Variants in TXNDC16 observed in about 807,000 individuals in gnomAD.
The protein encoded by TXNDC16 is thioredoxin domain containing 16.
A neutral mutation model predicts 85.6 loss-of-function variants in TXNDC16; 74 were observed. The ratio of observed to expected loss-of-function variants is 0.86; its 90% CI spans 0.72 to 1.05. The LOEUF (loss-of-function observed/expected upper bound fraction) is 1.05, where lower values mean the gene tolerates loss of function less well. Among genes scored for constraint, TXNDC16 ranks in the 50% least tolerant of loss-of-function variants. The pLI is 0.00. For synonymous variants in TXNDC16, 335 were observed against 326.5 expected (o/e 1.03, Z -0.28); for missense variants, 959 against 947.0 (o/e 1.01, Z -0.17).
rs2035096947 is a variant in TXNDC16 at position 52,438,896 on chromosome 14, G to A, written c.2194+308C>T. ...TAGATGAAATACTTATGCTTTGGTA[G>A]GCCAAAGCTCCCACTGTAACAACTT... On this transcript the variant is annotated intron_variant, in intron 20 of 20. Transcript: ENST00000281741. Among the ~76,000 whole-genome samples, 3 of 152,120 alleles carry A rather than the reference G, an allele frequency of 2.0e-5. No individual in the cohort carries two copies. The South Asian group carries it at 6.2e-4, about 32-fold the overall frequency.
rs367849873 is a variant in TXNDC16 at position 52,543,570 on chromosome 14, T to C, written c.-13A>G. 2.5e-6 allele frequency: 4 copies of C among 1,612,236 alleles called. No individual in the cohort carries two copies. The highest frequency in any genetic ancestry group is 3.4e-6 in the Non-Finnish European group (4 of 1,179,162). On this transcript the variant is annotated 5_prime_UTR_variant, in exon 3 of 21. Coordinates refer to ENST00000281741, the MANE Select transcript of TXNDC16 (RefSeq NM_020784.3). ...AGCCGGAAAACATTATCAGCTGCAG[T>C]TGTATCTGAGCGGATTTTGTCTGTT...
At chr14:52,520,299 T>G (rs991900610) in intron 6 of TXNDC16, among the ~76,000 whole-genome samples, 12 of 152,198 alleles carry the variant, frequency 7.9e-5, no homozygotes, top group African/African-American at 2.9e-4. Flanking sequence ...CTGATCATAT[T>G]TATTCATCCA....
intron 6 of TXNDC16, among the ~76,000 whole-genome samples, chr14:52,524,475 T>C (rs373609831): frequency 6.6e-6 from 1 of 152,176 alleles, no homozygotes; most frequent in Non-Finnish European, 1.5e-5. Flanking sequence ...ATTTGATGAT[T>C]TTTTTCTTTT....
chr14:52,530,534 TA>T (rs1418911920), intron 6 of TXNDC16, among the ~76,000 whole-genome samples: 1 of 16,296 alleles, frequency 6.1e-5, no homozygotes, highest in Non-Finnish European at 9.7e-5. Context: ...TTATATATAA[TA>T]ATATAATATA....
At chr14:52,485,511 TAC>T (rs1193285704) in intron 12 of TXNDC16, among the ~76,000 whole-genome samples, 1 of 152,200 alleles carries the variant, frequency 6.6e-6, no homozygotes, top group Non-Finnish European at 1.5e-5. Context: ...TCTAGGCCTT[TAC>T]ACTCACTCAC....
At chr14:52,533,499 A>G (rs901282191) in intron 6 of TXNDC16, among the ~76,000 whole-genome samples, 2 of 152,176 alleles carry the variant, frequency 1.3e-5, no homozygotes, top group African/African-American at 4.8e-5. Context: ...GATCTCTCAA[A>G]TACTAATCTG....
In TXNDC16 at chr14:52,530,393, T is replaced by A. The variant is rs1566582417; in HGVS notation, c.392+6326A>T. On this transcript the variant is annotated intron_variant, in intron 6 of 20. Coordinates refer to ENST00000281741, the MANE Select transcript of TXNDC16 (RefSeq NM_020784.3). ...TTATATAATATTATATATAATATTATAATATAATATATAATTATTATATAA... is the reference window on the plus strand; with the variant it reads ...TTATATAATATTATATATAATATTAAAATATAATATATAATTATTATATAA... Among the ~76,000 whole-genome samples the A allele has an allele frequency of 7.5e-4, 16 of 21,452 alleles. 2 individuals carry two copies. The highest frequency in any genetic ancestry group is 4.0e-3 in the African/African-American group (13 of 3,286). The allele number at this position is 21,452 out of a possible 152,430, so 14.1% of individuals were successfully genotyped here.
At chr14:52,495,516 T>A (rs1160935773) in intron 9 of TXNDC16, among the ~76,000 whole-genome samples, 1 of 152,142 alleles carries the variant, frequency 6.6e-6, no homozygotes, top group East Asian at 1.9e-4. Flanking sequence ...GGTAGAGAAG[T>A]CAGACTCCAC....
intron 6 of TXNDC16, among the ~76,000 whole-genome samples, chr14:52,524,771 A>G (rs2037288669): frequency 6.6e-6 from 1 of 152,004 alleles, no homozygotes; most frequent in Non-Finnish European, 1.5e-5. Flanking sequence ...CTGGGATTAC[A>G]GTGTGCGCCA....
intron 9 of TXNDC16, among the ~76,000 whole-genome samples, chr14:52,509,917 C>A (rs1398058490): frequency 6.6e-6 from 1 of 151,208 alleles, no homozygotes; most frequent in African/African-American, 2.4e-5. Context: ...GGAGGAGGAG[C>A]TTGCAGTGAG....
chr14:52,518,102 C>G (rs1263980001), intron 7 of TXNDC16, among the ~76,000 whole-genome samples: 1 of 152,196 alleles, frequency 6.6e-6, no homozygotes, highest in Non-Finnish European at 1.5e-5. Context: ...GCTTACTGGG[C>G]ACTTCTACCA....
At chr14:52,508,784 G>A (rs1383689593) in intron 9 of TXNDC16, among the ~76,000 whole-genome samples, 1 of 152,130 alleles carries the variant, frequency 6.6e-6, no homozygotes, top group Non-Finnish European at 1.5e-5. Context: ...GATGAAGCTG[G>A]AAACCATCAT....
chr14:52,465,591 CAA>C (rs11411206), intron 16 of TXNDC16, among the ~76,000 whole-genome samples: 20 of 88,856 alleles, frequency 2.3e-4, no homozygotes, highest in African/African-American at 4.8e-4. Flanking sequence ...GACTCCATCT[CAA>C]AAAAAAAAAA....
intron 6 of TXNDC16, among the ~76,000 whole-genome samples, chr14:52,522,283 A>G (rs2037228278): frequency 6.6e-6 from 1 of 152,222 alleles, no homozygotes; most frequent in South Asian, 2.1e-4. Context: ...TTTATTAGGT[A>G]CTTACCACAT....
At chr14:52,457,837 C>T (rs1171758903) in intron 16 of TXNDC16, among the ~76,000 whole-genome samples, 1 of 152,200 alleles carries the variant, frequency 6.6e-6, no homozygotes, top group African/African-American at 2.4e-5. Flanking sequence ...TAATAGCATA[C>T]TGTGGATCTT....
intron 18 of TXNDC16, among the ~76,000 whole-genome samples, chr14:52,451,167 AG>A (rs2035402987): frequency 6.6e-6 from 1 of 151,870 alleles, no homozygotes; most frequent in African/African-American, 2.4e-5. Flanking sequence ...CATTGGGTAC[AG>A]TGCATAATGC....
chr14:52,484,199 G>A (rs1251809184), intron 12 of TXNDC16, among the ~76,000 whole-genome samples: 1 of 39,926 alleles, frequency 2.5e-5, no homozygotes, highest in Non-Finnish European at 5.0e-5. Flanking sequence ...AAAACAATAA[G>A]GGGGGGGGGT....
At chr14:52,523,180 A>AT (rs1032857154) in intron 6 of TXNDC16, among the ~76,000 whole-genome samples, 39 of 152,204 alleles carry the variant, frequency 2.6e-4, no homozygotes, top group African/African-American at 8.4e-4. Flanking sequence ...CTCTCTTGGG[A>AT]TTTTCTTGCT....
At chr14:52,458,715 T>TA (rs2035590320) in intron 16 of TXNDC16, among the ~76,000 whole-genome samples, 1 of 152,244 alleles carries the variant, frequency 6.6e-6, no homozygotes, top group Non-Finnish European at 1.5e-5. Flanking sequence ...AGTCAATGGA[T>TA]AAACTATATC....
Sources: gnomAD v4.1 joint callset for allele counts (sites outside exome capture counted in the v4.1 genomes callset) on GRCh38, gnomAD v4.1.1 for gene constraint, MANE v1.5 for transcripts, NCBI Gene and HGNC (gene_info 2026-07-23, HGNC 2026-07-21) for gene names.